Variants in TNS1 observed in about 807,000 individuals in gnomAD.
TNS1 encodes tensin 1, also known as tensin-1.
TNS1 carries 62 observed loss-of-function variants against 168.6 expected under a neutral mutation model. The ratio of observed to expected loss-of-function variants is 0.37; its 90% CI spans 0.30 to 0.45. TNS1 has a LOEUF of 0.45. Among genes scored for constraint, TNS1 ranks in the 20% least tolerant of loss-of-function variants. TNS1 has a pLI of 1.00. For missense variants in TNS1, 2,240 were observed against 2,339.4 expected, an observed-to-expected ratio of 0.96 and a Z score of 0.88; for synonymous variants, 934 against 933.2, an observed-to-expected ratio of 1.00 and a Z score of -0.02.
chr2:217,812,338 G>C lies in TNS1; in HGVS notation c.5032+30C>G, dbSNP rs180796823. ...TGACAAGGGCCAGCTCAAGGGTGTGGGTGGTGAGCCAGGAGTCTCACGTTC... is the reference window on the plus strand; with the variant it reads ...TGACAAGGGCCAGCTCAAGGGTGTGCGTGGTGAGCCAGGAGTCTCACGTTC... On this transcript the variant is annotated intron_variant, in intron 28 of 32. Transcript: ENST00000682258. 223 of 1,594,612 alleles carry C rather than the reference G, an allele frequency of 1.4e-4. 2 individuals are homozygous for C. In the Middle Eastern group the frequency reaches 2.2e-3, roughly 15 times the overall value.
Position 217,810,263 on chromosome 2 carries a change from G to A in TNS1, c.5089C>T (p.Leu1697=). The change falls in exon 29 of 33, where the codon CTG becomes TTG. Residue 1697 remains leucine, a synonymous_variant. Coordinates refer to ENST00000682258, the MANE Select transcript of TNS1 (RefSeq NM_001387777.1). ...SGPANSTADL[L]KQGAACNVLF... ...GACCACTCACCTGCCCCTTGTTTCA[G>A]CAGGTCTGCAGTTGAGTTGGCAGGG... 1 of 1,614,126 alleles carries A rather than the reference G, an allele frequency of 6.2e-7. No homozygotes were observed. Among genetic ancestry groups the A allele is most frequent in the Non-Finnish European group, 8.5e-7 (1 of 1,180,036 alleles).
intron 3 of TNS1, among the ~76,000 whole-genome samples, chr2:217,926,307 G>A (rs922371073): frequency 6.6e-6 from 1 of 152,186 alleles, no homozygotes; most frequent in Non-Finnish European, 1.5e-5. Context: ...AATACCCTTA[G>A]CATCATATTT....
At position 217,817,910 on chromosome 2, in the gene TNS1, C is replaced by T. The variant is rs758537443; in HGVS notation, c.4422G>A (p.Pro1474=). ...YPGLSSPATS[P]SPDSAAFRQG... is the part of the protein sequence containing the mutation. ...GCCGGAAGGCTGCGGAGTCTGGTGA[C>T]GGGGAGGTGGCAGGGCTGCTCAGGC... The change falls in exon 24 of 33, where the codon CCG becomes CCA. Residue 1474 remains proline, a synonymous_variant. Coordinates refer to ENST00000682258, the MANE Select transcript of TNS1 (RefSeq NM_001387777.1). The T allele has an allele frequency of 8.1e-6, 13 of 1,613,732 alleles. No individual in the cohort carries two copies. The highest frequency in any genetic ancestry group is 1.7e-4 in the Middle Eastern group (1 of 6,058).
In TNS1 at chr2:217,810,066, G is replaced by C. The variant is rs575185804; in HGVS notation, c.5105-75C>G. On this transcript the variant is annotated intron_variant, in intron 29 of 32. Transcript: ENST00000682258. ...GACATTAACCCAGATCCATTCTTCA[G>C]GGAGAAGGTAGCAGATAAATTTCAG... The C allele has an allele frequency of 4.8e-5, 73 of 1,534,038 alleles. No individual in the cohort carries two copies. In the South Asian group the frequency reaches 8.3e-4, roughly 17 times the overall value.
chr2:217,917,892 A>G (rs1451977007), intron 4 of TNS1, among the ~76,000 whole-genome samples: 3 of 151,012 alleles, frequency 2.0e-5, no homozygotes, highest in Non-Finnish European at 2.9e-5. Flanking sequence ...CTGTGGGAAG[A>G]GCATTCCAGG....
intron 1 of TNS1, among the ~76,000 whole-genome samples, chr2:218,025,001 G>T (rs982547315): frequency 6.6e-6 from 1 of 152,194 alleles, no homozygotes; most frequent in African/African-American, 2.4e-5. Context: ...AATGGCAGGA[G>T]GGCAGGCAGC....
chr2:217,900,794 C>T (rs917228984), intron 6 of TNS1, among the ~76,000 whole-genome samples: 1 of 152,188 alleles, frequency 6.6e-6, no homozygotes, highest in African/African-American at 2.4e-5. Context: ...GCCATCCACA[C>T]TGAGGGCACA....
chr2:218,021,904 C>G (rs1958809291), intron 1 of TNS1, among the ~76,000 whole-genome samples: 1 of 152,188 alleles, frequency 6.6e-6, no homozygotes, highest in South Asian at 2.1e-4. Context: ...GCAGGCTGGC[C>G]AGGGTGAAGG....
rs1257790758 is a variant in TNS1 at position 218,032,060 on chromosome 2, G to T, written c.156+1760C>A. Among the ~76,000 whole-genome samples the T allele has an allele frequency of 1.3e-5, 2 of 152,224 alleles. No individual in the cohort carries two copies. The highest frequency in any genetic ancestry group is 2.9e-5 in the Non-Finnish European group (2 of 68,032). ...AGGCTTGGCTGGAGGACTCAGGAGG[G>T]TGCCAAGCCCCAACCTCTTGCTCCT... is the stretch of plus-strand genomic sequence containing the variant. On this transcript the variant is annotated intron_variant, in intron 1 of 1. Transcript: ENST00000649572. This position sits in a 1 kb window ranked among gnomAD's most constrained non-coding sequence, Gnocchi z 4.0.
intron 1 of TNS1, among the ~76,000 whole-genome samples, chr2:217,991,831 T>C (rs541540449): frequency 7.9e-5 from 12 of 151,952 alleles, no homozygotes; most frequent in African/African-American, 2.9e-4. Context: ...TCTTTATTTT[T>C]ATTTTCAATT....
intron 3 of TNS1, among the ~76,000 whole-genome samples, chr2:217,946,959 T>TCACA (rs1203032369): frequency 0.016 from 2,039 of 128,452 alleles, 58 homozygotes; most frequent in African/African-American, 0.072. Flanking sequence ...TCTCTCTCTC[T>TCACA]CTCTCTCTCT....
chr2:217,893,037 C>A, intron 10 of TNS1, 25 bp from the exon 11 acceptor site: 2 of 1,613,932 alleles, frequency 1.2e-6, no homozygotes, highest in Non-Finnish European at 1.7e-6. Flanking sequence ...AACACAAAAT[C>A]ATTTATTTCT....
chr2:217,910,665 C>T (rs533220104), intron 4 of TNS1, among the ~76,000 whole-genome samples: 1 of 149,820 alleles, frequency 6.7e-6, no homozygotes, highest in African/African-American at 2.4e-5. Context: ...TGACCTTCAT[C>T]TTCACTCCAT....
chr2:217,812,969 T>C (rs934835832), intron 27 of TNS1, among the ~76,000 whole-genome samples: 18 of 152,230 alleles, frequency 1.2e-4, no homozygotes, highest in Admixed American at 1.1e-3. Context: ...GATTTTACCA[T>C]TGTTACTCCA....
intron 3 of TNS1, among the ~76,000 whole-genome samples, chr2:217,976,616 C>T (rs114955578): frequency 0.012 from 1,801 of 152,254 alleles, 37 homozygotes; most frequent in African/African-American, 0.04. Flanking sequence ...GCATTCTGAG[C>T]CCCCAGCACA....
At chr2:217,897,018 A>C (rs1952382392) in intron 8 of TNS1, among the ~76,000 whole-genome samples, 1 of 152,168 alleles carries the variant, frequency 6.6e-6, no homozygotes, top group Non-Finnish European at 1.5e-5. Context: ...GGTGAAACCC[A>C]TGGATAGAAA....
chr2:217,996,094 G>A (rs1958464073), intron 1 of TNS1, among the ~76,000 whole-genome samples: 1 of 152,162 alleles, frequency 6.6e-6, no homozygotes, highest in Non-Finnish European at 1.5e-5. Context: ...GAGCAGCAGT[G>A]AGGGTTGGGT....
At chr2:217,937,109 G>A (rs956325904) in intron 3 of TNS1, 23 of 440,472 alleles carry the variant, frequency 5.2e-5, no homozygotes, top group African/African-American at 6.0e-5. Context: ...AGCTTCCTCC[G>A]CTCTGCCAGC....
rs1958905239 is a variant in TNS1, at chr2:218,032,365, A to G, written c.156+1455T>C. On this transcript the variant is annotated intron_variant, in intron 1 of 1. Transcript: ENST00000649572. The surrounding 1 kb of genome is among the most constrained non-coding windows in gnomAD (Gnocchi z 4.0). Reference sequence around the variant, plus strand: ...GCCTGCTTGTGGAGGAGGAGGCAGCATGACAGGGGAAGGGGGCGATGTGGC... The same window carrying G: ...GCCTGCTTGTGGAGGAGGAGGCAGCGTGACAGGGGAAGGGGGCGATGTGGC... Among the ~76,000 whole-genome samples the G allele has an allele frequency of 6.6e-6, 1 of 152,150 alleles. No individual in the cohort carries two copies. The highest frequency in any genetic ancestry group is 2.4e-5 in the African/African-American group (1 of 41,440).
Sources: allele counts gnomAD v4.1 joint callset (sites outside exome capture counted in the v4.1 genomes callset), GRCh38; gene constraint gnomAD v4.1.1; non-coding constraint Gnocchi (gnomAD v3.1); transcripts MANE v1.5; gene names NCBI Gene and HGNC (gene_info 2026-07-23, HGNC 2026-07-21).